The following FHIT variants were observed in gnomAD, a reference collection of about 807,000 sequenced individuals.
FHIT encodes bis(5'-adenosyl)-triphosphatase.
In FHIT, 19 loss-of-function variants were observed where a neutral mutation model predicts 17.9. That is an observed-to-expected ratio of 1.06 (90% CI 0.74 to 1.56). The LOEUF is 1.56. FHIT is among the 40% of genes most tolerant of loss of function. The pLI is 0.00. For missense variants in FHIT, 248 were observed against 189.2 expected (o/e 1.31, Z -1.82); for synonymous variants, 81 against 69.7 (o/e 1.16, Z -0.81).
intron 5 of FHIT, among the ~76,000 whole-genome samples, chr3:60,448,817 A>G (rs1014318690): frequency 7.2e-5 from 11 of 152,168 alleles, no homozygotes; most frequent in Admixed American, 6.6e-5. Context: ...CTCACTAAGA[A>G]CATGGTTTAT....
intron 1 of FHIT, 76 bp from the exon 2 acceptor site, chr3:61,200,741 T>A (rs746600223): frequency 6.6e-6 from 1 of 152,596 alleles, no homozygotes; most frequent in Non-Finnish European, 1.5e-5. Context: ...TGTCTCTAAA[T>A]AGAATTTCCA....
intron 8 of FHIT, among the ~76,000 whole-genome samples, chr3:59,895,187 G>A (rs113365701): frequency 2.0e-5 from 3 of 152,336 alleles, no homozygotes; most frequent in African/African-American, 7.2e-5. Flanking sequence ...GGTACAAAAT[G>A]TCAGTAGTGC....
chr3:61,173,870 C>G (rs973577800), intron 2 of FHIT, among the ~76,000 whole-genome samples: 1 of 152,350 alleles, frequency 6.6e-6, no homozygotes, highest in Non-Finnish European at 1.5e-5. Context: ...TCCCAGCCAG[C>G]ATGTCCCTTC....
intron 3 of FHIT, among the ~76,000 whole-genome samples, chr3:60,920,717 G>A (rs1404311301): frequency 6.6e-5 from 10 of 152,034 alleles, no homozygotes; most frequent in African/African-American, 2.4e-4. Flanking sequence ...AGCTGGAGCG[G>A]TAGAACCTTT....
chr3:59,933,054 T>C (rs779264399), intron 7 of FHIT, among the ~76,000 whole-genome samples: 18 of 152,166 alleles, frequency 1.2e-4, no homozygotes, highest in Non-Finnish European at 2.1e-4. Context: ...AGTCCCAGGC[T>C]TCTTTTCTCC....
chr3:60,364,610 C>T (rs891189918), intron 5 of FHIT, among the ~76,000 whole-genome samples: 14 of 152,164 alleles, frequency 9.2e-5, no homozygotes, highest in African/African-American at 3.4e-4. Flanking sequence ...ACACAGAAGG[C>T]TATATGTGTA....
chr3:60,510,092 C>T (rs563591241), intron 5 of FHIT, among the ~76,000 whole-genome samples: 1 of 152,258 alleles, frequency 6.6e-6, no homozygotes. Context: ...AATAAAATGT[C>T]AGCTTCAGTA....
intron 5 of FHIT, among the ~76,000 whole-genome samples, chr3:60,039,536 C>T (rs572870403): frequency 6.6e-6 from 1 of 152,114 alleles, no homozygotes; most frequent in South Asian, 2.1e-4. Context: ...CAAAACAGCA[C>T]CTAATTAAGG....
chr3:60,215,438 C>T (rs1703655328), intron 5 of FHIT, among the ~76,000 whole-genome samples: 1 of 152,130 alleles, frequency 6.6e-6, no homozygotes, highest in Non-Finnish European at 1.5e-5. Flanking sequence ...GAGATCACGC[C>T]TGTAATCCCA....
rs17064615 is a variant in FHIT, at chr3:61,198,037, T to G, written c.-164+2580A>C. On this transcript the variant is annotated intron_variant, in intron 2 of 9. Transcript: ENST00000492590. The stretch of plus-strand genomic sequence containing the variant: ...TGCAAAACACTGAGCTACTTACACA[T>G]GATGAAAGAAAGTAATGAGTGGCAT... 1.7e-3 allele frequency among the ~76,000 whole-genome samples: 252 copies of G among 152,170 alleles called. 6 individuals are homozygous for G. In the East Asian group the frequency reaches 0.036, roughly 21 times the overall value.
chr3:60,952,940 C>A (rs1323017658), intron 3 of FHIT, among the ~76,000 whole-genome samples: 2 of 152,180 alleles, frequency 1.3e-5, no homozygotes, highest in African/African-American at 4.8e-5. Context: ...TCTCATGTCA[C>A]ATAAAACTTA....
In FHIT at chr3:60,384,266, TA is replaced by T. The variant is rs536000752; in HGVS notation, c.103+152593del. 4.8e-3 allele frequency among the ~76,000 whole-genome samples: 659 copies of T among 137,968 alleles called. 2 individuals are homozygous for T. Among genetic ancestry groups the T allele is most frequent in the Middle Eastern group, 0.019 (5 of 266 alleles). 90.5% of individuals were successfully genotyped at this position (137,968 alleles called of 152,430 possible). ...CTGGTGACAGACCAAGACTCCGTCT[TA>T]AAAAAAAAAAAAAAAATTGGAGATA... On this transcript the variant is annotated intron_variant, in intron 5 of 9. Transcript: ENST00000492590.
intron 3 of FHIT, among the ~76,000 whole-genome samples, chr3:61,021,398 G>A (rs985154386): frequency 2.7e-5 from 4 of 148,164 alleles, no homozygotes; most frequent in Non-Finnish European, 4.5e-5. Context: ...AGGAGATCGA[G>A]ACCATCCCAG....
chr3:60,284,250 G>GT (rs1707609508), intron 5 of FHIT, among the ~76,000 whole-genome samples: 1 of 152,142 alleles, frequency 6.6e-6, no homozygotes, highest in African/African-American at 2.4e-5. Context: ...TTTAAGAATC[G>GT]TAACAGTACA....
intron 3 of FHIT, among the ~76,000 whole-genome samples, chr3:60,950,783 A>C (rs1382209097): frequency 6.6e-6 from 1 of 151,638 alleles, no homozygotes; most frequent in African/African-American, 2.4e-5. Flanking sequence ...TCGGCCTTCC[A>C]AAGTGCTGAG....
In FHIT at chr3:61,181,598, G is replaced by A. The variant is rs1411368548; in HGVS notation, c.-164+19019C>T. ...TAATTCCAGCATCACAGGCTGCTCT[G>A]ATATTCCCTGGGTTCCCTCTCCTGG... On this transcript the variant is annotated intron_variant, in intron 2 of 9. Transcript: ENST00000492590. Among the ~76,000 whole-genome samples the A allele has an allele frequency of 3.9e-5, 6 of 152,104 alleles. No homozygotes were observed. The East Asian group carries it at 1.2e-3, about 29-fold the overall frequency.
chr3:60,477,397 G>A (rs72880377), intron 5 of FHIT, among the ~76,000 whole-genome samples: 5,548 of 152,204 alleles, frequency 0.036, 324 homozygotes, highest in African/African-American at 0.12. Flanking sequence ...GAGGATTTGA[G>A]TGTTTATGCC....
intron 7 of FHIT, among the ~76,000 whole-genome samples, chr3:59,922,923 GGAAAGCTC>G (rs1174205666): frequency 1.3e-5 from 2 of 152,106 alleles, no homozygotes; most frequent in Admixed American, 6.5e-5. Context: ...CCTATGATAA[GGAAAGCTC>G]TGTGTTTGGC....
intron 5 of FHIT, among the ~76,000 whole-genome samples, chr3:60,255,599 C>G (rs565332237): frequency 1.4e-4 from 22 of 152,260 alleles, no homozygotes; most frequent in African/African-American, 5.1e-4. Flanking sequence ...CGCCCCAAAT[C>G]TAACTTTCCT....
Sources: allele counts gnomAD v4.1 joint callset (sites outside exome capture counted in the v4.1 genomes callset), GRCh38; gene constraint gnomAD v4.1.1; transcripts MANE v1.5; gene names NCBI Gene and HGNC (gene_info 2026-07-23, HGNC 2026-07-21).